The following NAA38 variants were observed in gnomAD, a reference collection of about 807,000 sequenced individuals.
The protein encoded by NAA38 is LSM domain containing 1.
NAA38 carries 15 observed loss-of-function variants against 12.6 expected under a neutral mutation model. That is an observed-to-expected ratio of 1.19 (90% CI 0.79 to 1.83). The LOEUF (loss-of-function observed/expected upper bound fraction) is 1.83, where lower values mean the gene tolerates loss of function less well. Among genes scored for constraint, NAA38 ranks in the 40% most tolerant of loss-of-function variants. The pLI, the probability that NAA38 is intolerant of heterozygous loss-of-function variation, is 0.00. For missense variants in NAA38, 183 were observed against 171.7 expected, an observed-to-expected ratio of 1.07 and a Z score of -0.37; for synonymous variants, 88 against 69.9, an observed-to-expected ratio of 1.26 and a Z score of -1.29.
upstream of NAA38, chr17:7,860,147 CTT>C (rs57736014): frequency 2.0e-3 from 300 of 147,160 alleles, 1 homozygote; most frequent in Admixed American, 2.8e-3. Context: ...CATATACCCT[CTT>C]TTTTTTTTTT....
At chr17:7,873,155 G>C (rs1458801204) in intron 2 of NAA38, among the ~76,000 whole-genome samples, 1 of 152,186 alleles carries the variant, frequency 6.6e-6, no homozygotes, top group Non-Finnish European at 1.5e-5. Context: ...GAAACTCTGA[G>C]AAGTGGAAGC....
At chr17:7,884,194 G>A (rs781584045) in intron 1 of NAA38, among the ~76,000 whole-genome samples, 2 of 151,608 alleles carry the variant, frequency 1.3e-5, no homozygotes, top group South Asian at 4.2e-4. Flanking sequence ...GGAGATGGGG[G>A]TGTAACAGGG....
At chr17:7,883,443 T>C (rs945347904) in intron 1 of NAA38, 9 of 152,186 alleles carry the variant, frequency 5.9e-5, no homozygotes, top group African/African-American at 1.2e-4. Context: ...CTCAAGTCAG[T>C]TGAATTTTAC....
upstream of NAA38, chr17:7,857,986 G>A (rs1402672561): frequency 6.7e-7 from 1 of 1,497,378 alleles, no homozygotes; most frequent in Non-Finnish European, 8.8e-7. Flanking sequence ...CTCAGTGGAC[G>A]GTGGCCGGAA....
chr17:7,857,877 C>T, upstream of NAA38: 3 of 1,385,592 alleles, frequency 2.2e-6, no homozygotes. Context: ...CTCCTGAAAG[C>T]GGCGCAACTC....
chr17:7,858,036 C>T, upstream of NAA38: 9 of 1,551,246 alleles, frequency 5.8e-6, no homozygotes, highest in Non-Finnish European at 7.8e-6. Context: ...AACGCTCTCC[C>T]CTCGGCTCCC....
At chr17:7,884,454 A>ATACATATATATATATATATATATG (rs1567822444) in intron 1 of NAA38, among the ~76,000 whole-genome samples, 3 of 64,714 alleles carry the variant, frequency 4.6e-5, no homozygotes, top group African/African-American at 1.0e-4. Context: ...TTTTATATAT[A>ATACATATATATATATATATATATG]TACATATATA....
chr17:7,857,646 CACTGAAGCGT>C (rs1339836203), upstream of NAA38: 133 of 1,347,152 alleles, frequency 9.9e-5, no homozygotes, highest in Middle Eastern at 5.3e-4. Flanking sequence ...CGCTGTGGCT[CACTGAAGCGT>C]ACTACGCCGG....
chr17:7,885,157 G>A, intron 1 of NAA38: 1 of 981,848 alleles, frequency 1.0e-6, no homozygotes, highest in Non-Finnish European at 1.2e-6. Flanking sequence ...CGGGGGCGAG[G>A]CACCCACCGC....
upstream of NAA38, chr17:7,858,723 C>G: frequency 6.2e-7 from 1 of 1,608,870 alleles, no homozygotes; most frequent in Non-Finnish European, 8.5e-7. Flanking sequence ...TTTTGGGAAG[C>G]CCTGGTGGCA....
At chr17:7,878,551 G>A (rs931217272) in intron 2 of NAA38, among the ~76,000 whole-genome samples, 41 of 152,092 alleles carry the variant, frequency 2.7e-4, no homozygotes, top group African/African-American at 9.2e-4. Context: ...GTAAAACCCC[G>A]CCTCTGCTAG....
upstream of NAA38, chr17:7,858,917 G>T: frequency 1.7e-6 from 2 of 1,177,774 alleles, no homozygotes; most frequent in Non-Finnish European, 2.3e-6. Flanking sequence ...TTCCATAACC[G>T]GTGGGAGTGT....
chr17:7,856,766 G>A lies in NAA38; in HGVS notation c.343C>T (p.Gln115Ter). The A allele has an allele frequency of 6.2e-7, 1 of 1,613,998 alleles. No homozygotes were observed. Among genetic ancestry groups the A allele is most frequent in the South Asian group, 1.1e-5 (1 of 91,076 alleles). Reference protein sequence around the residue: ...PGHHIVSIEVQRESLTGPPYL With the variant: ...PGHHIVSIEV ...GGAGGCCCGGTCAGACTCTCCCTCTGCACCTCAATGGAAACGATGTGGTGT... is the reference window on the plus strand; with the variant it reads ...GGAGGCCCGGTCAGACTCTCCCTCTACACCTCAATGGAAACGATGTGGTGT... Residue 115 changes from glutamine (Q) to a stop codon, truncating the protein, a stop_gained, in exon 3 of 3, where the codon CAG (glutamine) becomes TAG (stop). Transcript: ENST00000575771. LOFTEE classifies it high-confidence loss of function.
chr17:7,881,827 C>G (rs886697125), intron 2 of NAA38, among the ~76,000 whole-genome samples: 7 of 150,044 alleles, frequency 4.7e-5, no homozygotes, highest in Admixed American at 1.3e-4. Flanking sequence ...GTGATAGAGA[C>G]AGGCAGGCGG....
chr17:7,869,588 C>A (rs1332860760), intron 2 of NAA38, among the ~76,000 whole-genome samples: 1 of 151,924 alleles, frequency 6.6e-6, no homozygotes, highest in African/African-American at 2.4e-5. Flanking sequence ...ATGGTGAAAC[C>A]CTGTCTCTAC....
At chr17:7,859,605 A>T, upstream of NAA38, 1 of 1,613,926 alleles carries the variant, frequency 6.2e-7, no homozygotes, top group Non-Finnish European at 8.5e-7. Context: ...GATCTCACGG[A>T]GTTGTAGGCA....
upstream of NAA38, chr17:7,858,236 C>G: frequency 6.2e-7 from 1 of 1,614,054 alleles, no homozygotes; most frequent in South Asian, 1.1e-5. Context: ...CCGAAGACCT[C>G]TGGGTATCTT....
chr17:7,873,667 CA>C (rs55722807), intron 2 of NAA38, among the ~76,000 whole-genome samples: 10,779 of 152,068 alleles, frequency 0.071, 704 homozygotes, highest in East Asian at 0.37. Flanking sequence ...GAGAAGGTGG[CA>C]GGGGTGAGAC....
At chr17:7,884,383 C>T (rs1263867449) in intron 1 of NAA38, among the ~76,000 whole-genome samples, 2 of 148,516 alleles carry the variant, frequency 1.3e-5, no homozygotes, top group Non-Finnish European at 3.0e-5. Context: ...TTCTGAGCGC[C>T]CCCCTCAGAA....
Sources: gnomAD v4.1 joint callset for allele counts (sites outside exome capture counted in the v4.1 genomes callset) on GRCh38, gnomAD v4.1.1 for gene constraint, MANE v1.5 for transcripts, NCBI Gene and HGNC (gene_info 2026-07-23, HGNC 2026-07-21) for gene names.